FHIT: variants seen among roughly 807,000 people sequenced by gnomAD.
The protein encoded by FHIT is bis(5'-adenosyl)-triphosphatase.
FHIT carries 19 observed loss-of-function variants against 17.9 expected under a neutral mutation model. The observed-to-expected ratio is 1.06, with a 90% CI of 0.74 to 1.56. FHIT has a LOEUF of 1.56. Among genes scored for constraint, FHIT ranks in the 40% most tolerant of loss-of-function variants. The pLI, the probability that FHIT is intolerant of heterozygous loss-of-function variation, is 0.00. For missense variants in FHIT, 248 were observed against 189.2 expected (o/e 1.31, Z -1.82); for synonymous variants, 81 against 69.7 (o/e 1.16, Z -0.81).
chr3:60,018,244 G>A (rs1281942805), intron 5 of FHIT, among the ~76,000 whole-genome samples: 2 of 152,080 alleles, frequency 1.3e-5, no homozygotes, highest in East Asian at 1.9e-4. Context: ...AGCTCTTCTG[G>A]GAACTAATAG....
chr3:60,541,988 C>T (rs545518296), intron 4 of FHIT, among the ~76,000 whole-genome samples: 11 of 152,302 alleles, frequency 7.2e-5, no homozygotes, highest in African/African-American at 1.7e-4. Flanking sequence ...CCCATTCCCT[C>T]CCTTCCCACC....
At chr3:59,880,613 G>T (rs1703369047) in intron 8 of FHIT, among the ~76,000 whole-genome samples, 1 of 152,134 alleles carries the variant, frequency 6.6e-6, no homozygotes, top group African/African-American at 2.4e-5. Context: ...TCCCTCATTT[G>T]TAAAACAGAG....
intron 5 of FHIT, among the ~76,000 whole-genome samples, chr3:60,148,802 A>G (rs1313877408): frequency 1.3e-5 from 2 of 152,218 alleles, no homozygotes; most frequent in Non-Finnish European, 2.9e-5. Context: ...ATATATTTTC[A>G]TTCATTCTTA....
chr3:59,798,644 G>A (rs1255137890), intron 8 of FHIT, among the ~76,000 whole-genome samples: 2 of 152,242 alleles, frequency 1.3e-5, no homozygotes, highest in Non-Finnish European at 2.9e-5. Flanking sequence ...AGCCTGTGAG[G>A]CTGTGCAAAC....
chr3:60,822,224 T>C (rs1701954971), intron 3 of FHIT, among the ~76,000 whole-genome samples: 1 of 152,216 alleles, frequency 6.6e-6, no homozygotes, highest in Admixed American at 6.5e-5. Context: ...AAGTGGTTCA[T>C]ACATGATCAC....
At chr3:60,009,898 G>T (rs771816421) in intron 7 of FHIT, among the ~76,000 whole-genome samples, 2 of 152,134 alleles carry the variant, frequency 1.3e-5, no homozygotes, top group Non-Finnish European at 2.9e-5. Context: ...ATGGCTAAAT[G>T]AAATTTTGAG....
intron 8 of FHIT, among the ~76,000 whole-genome samples, chr3:59,809,762 G>A (rs968508733): frequency 2.6e-5 from 4 of 152,220 alleles, no homozygotes; most frequent in Admixed American, 6.5e-5. Flanking sequence ...AGACACTTCC[G>A]TCTTCAGACC....
chr3:60,588,060 A>G (rs2037963191), intron 4 of FHIT, among the ~76,000 whole-genome samples: 1 of 151,940 alleles, frequency 6.6e-6, no homozygotes, highest in South Asian at 2.1e-4. Flanking sequence ...TCCATAACTT[A>G]ACTCAAATGT....
chr3:60,126,448 TG>T (rs1705554840), intron 5 of FHIT, among the ~76,000 whole-genome samples: 1 of 152,194 alleles, frequency 6.6e-6, no homozygotes, highest in Admixed American at 6.5e-5. Context: ...AAACAAGTCA[TG>T]ATCTCTCATG....
intron 5 of FHIT, among the ~76,000 whole-genome samples, chr3:60,482,247 G>A (rs996296355): frequency 6.6e-6 from 1 of 152,086 alleles, no homozygotes; most frequent in African/African-American, 2.4e-5. Flanking sequence ...ACACCATACT[G>A]TTAATATTAG....
Position 59,755,625 on chromosome 3 carries a change from G to A in FHIT, c.349-3304C>T, listed in dbSNP as rs560233538. On this transcript the variant is annotated intron_variant, in intron 8 of 9. Transcript: ENST00000492590. Reference sequence around the variant, plus strand: ...TGTTAACACACAAGACAGTTGCTCTGTCTCTGTAATGCCAGGGGCCAGACC... The same window carrying A: ...TGTTAACACACAAGACAGTTGCTCTATCTCTGTAATGCCAGGGGCCAGACC... 3.3e-5 allele frequency among the ~76,000 whole-genome samples: 5 copies of A among 152,316 alleles called. No homozygotes were observed. The South Asian group carries it at 1.0e-3, about 32-fold the overall frequency.
At chr3:60,630,212 C>G (rs1277007567) in intron 4 of FHIT, among the ~76,000 whole-genome samples, 2 of 152,202 alleles carry the variant, frequency 1.3e-5, no homozygotes, top group Non-Finnish European at 2.9e-5. Flanking sequence ...AGTGTGTACT[C>G]TGGTATCATT....
intron 4 of FHIT, among the ~76,000 whole-genome samples, chr3:60,625,047 T>A (rs914379539): frequency 1.3e-5 from 2 of 152,248 alleles, no homozygotes; most frequent in Middle Eastern, 6.8e-3. Flanking sequence ...TATCTGGGAC[T>A]ACAGGCACAT....
chr3:59,976,662 A>G (rs919772707), intron 7 of FHIT, among the ~76,000 whole-genome samples: 2 of 152,124 alleles, frequency 1.3e-5, no homozygotes, highest in Admixed American at 1.3e-4. Flanking sequence ...TTGATGCTTG[A>G]AATCTACCTA....
At chr3:60,527,909 G>C (rs2035634561) in intron 5 of FHIT, among the ~76,000 whole-genome samples, 1 of 152,220 alleles carries the variant, frequency 6.6e-6, no homozygotes, top group African/African-American at 2.4e-5. Context: ...AGACTCCCAT[G>C]AACTAGAGCC....
At chr3:60,630,640 C>A (rs533605555) in intron 4 of FHIT, among the ~76,000 whole-genome samples, 5 of 152,130 alleles carry the variant, frequency 3.3e-5, no homozygotes, top group Admixed American at 6.5e-5. Flanking sequence ...GTGAGCCTTA[C>A]GCCATCCCTG....
chr3:60,434,427 T>C (rs1326976870), intron 5 of FHIT, among the ~76,000 whole-genome samples: 4 of 152,060 alleles, frequency 2.6e-5, no homozygotes, highest in African/African-American at 9.7e-5. Flanking sequence ...TCCTCCTTCA[T>C]CCTGTGAGAT....
At chr3:61,115,773 C>G (rs1413109338) in intron 2 of FHIT, among the ~76,000 whole-genome samples, 1 of 151,990 alleles carries the variant, frequency 6.6e-6, no homozygotes, top group South Asian at 2.1e-4. Flanking sequence ...TCCGGCTGGC[C>G]ATTGCAGCTT....
intron 3 of FHIT, among the ~76,000 whole-genome samples, chr3:60,946,682 C>T (rs958278318): frequency 6.6e-5 from 10 of 151,886 alleles, no homozygotes; most frequent in South Asian, 2.1e-4. Context: ...AAAGCCTCTG[C>T]GGAGGAAGAG....
Sources: gnomAD v4.1 joint callset for allele counts (sites outside exome capture counted in the v4.1 genomes callset) on GRCh38, gnomAD v4.1.1 for gene constraint, MANE v1.5 for transcripts, NCBI Gene and HGNC (gene_info 2026-07-23, HGNC 2026-07-21) for gene names.